The following CREBBP variants were observed in gnomAD, a reference collection of about 807,000 sequenced individuals.
CREBBP encodes CREB binding lysine acetyltransferase.
A neutral mutation model predicts 265.0 loss-of-function variants in CREBBP; 19 were observed. The ratio of observed to expected loss-of-function variants is 0.07; its 90% CI spans 0.05 to 0.11. The LOEUF (loss-of-function observed/expected upper bound fraction) is 0.11. Ranked by LOEUF, CREBBP falls within the 10% of genes least tolerant of loss-of-function variation. The probability of loss-of-function intolerance (pLI) is 1.00; values close to 1 mark genes in which losing one functional copy is unlikely to be tolerated. For missense variants in CREBBP, 2,525 were observed against 3,219.0 expected (o/e 0.78, Z 5.22); for synonymous variants, 1,457 against 1,223.7 (o/e 1.19, Z -3.98).
At chr16:3,817,158 A>G (rs2054054371) in intron 2 of CREBBP, among the ~76,000 whole-genome samples, 4 of 152,176 alleles carry the variant, frequency 2.6e-5, no homozygotes, top group Admixed American at 6.5e-5. Flanking sequence ...CAGCAGATAC[A>G]CAAGTCCAGT....
At chr16:3,849,481 GTGTGTGTGA>G (rs2054777917) in intron 2 of CREBBP, among the ~76,000 whole-genome samples, 1 of 122,420 alleles carries the variant, frequency 8.2e-6, no homozygotes, top group African/African-American at 3.0e-5. Flanking sequence ...GTGTGTGTGT[GTGTGTGTGA>G]TGTGCGTGAC....
chr16:3,814,364 C>T (rs1596991717), intron 2 of CREBBP, among the ~76,000 whole-genome samples: 1 of 152,018 alleles, frequency 6.6e-6, no homozygotes, highest in Admixed American at 6.6e-5. Flanking sequence ...AAGCAATTCT[C>T]GTGTCTCAGC....
chr16:3,780,559 G>A (rs536170579), intron 8 of CREBBP, among the ~76,000 whole-genome samples, 173 bp downstream of exon 8: 16 of 152,346 alleles, frequency 1.1e-4, no homozygotes, highest in African/African-American at 3.8e-4. Context: ...CGAGGACATA[G>A]AGTGTGGGAA....
chr16:3,876,347 C>CA (rs760923002), intron 1 of CREBBP, among the ~76,000 whole-genome samples: 72 of 95,174 alleles, frequency 7.6e-4, no homozygotes, highest in Non-Finnish European at 7.7e-4. Context: ...CCTGCAATTT[C>CA]AAAAAACTTT....
chr16:3,776,728 G>A (rs2053147286), intron 11 of CREBBP, among the ~76,000 whole-genome samples: 1 of 151,992 alleles, frequency 6.6e-6, no homozygotes, highest in Admixed American at 6.6e-5. Flanking sequence ...AAAATAAAAA[G>A]CTGGCCGGGT....
intron 8 of CREBBP, 67 bp downstream of exon 8, chr16:3,780,665 T>C (rs929311527): frequency 1.3e-6 from 2 of 1,549,632 alleles, no homozygotes; most frequent in Non-Finnish European, 1.8e-6. Flanking sequence ...GGTACTGTCA[T>C]CTGGTAGCCA....
At chr16:3,816,250 T>A (rs2054034291) in intron 2 of CREBBP, among the ~76,000 whole-genome samples, 1 of 152,186 alleles carries the variant, frequency 6.6e-6, no homozygotes, top group South Asian at 2.1e-4. Context: ...ACCAAGCGTA[T>A]CAATCAATTA....
At position 3,783,993 on chromosome 16, in the gene CREBBP, T is replaced by G. The variant is rs541775083; in HGVS notation, c.1331-1067A>C. On this transcript the variant is annotated intron_variant, in intron 5 of 30. Coordinates refer to ENST00000262367, the MANE Select transcript of CREBBP (RefSeq NM_004380.3). ...AACCCAAATGCTGTTGTGTGAAAAT[T>G]TATCATATGGCAGAAGTTCTATATG... Among the ~76,000 whole-genome samples, 4 of 152,352 alleles carry G rather than the reference T, an allele frequency of 2.6e-5. No homozygotes were observed. The East Asian group carries it at 7.7e-4, about 29-fold the overall frequency.
chr16:3,765,565 C>T (rs1328418361), intron 16 of CREBBP, among the ~76,000 whole-genome samples: 3 of 152,122 alleles, frequency 2.0e-5, no homozygotes, highest in Non-Finnish European at 4.4e-5. Context: ...GTATTTGTTG[C>T]CAATGCTAAA....
chr16:3,849,419 GTGTGTGT>G (rs2054742919), intron 2 of CREBBP, among the ~76,000 whole-genome samples: 1 of 7,740 alleles, frequency 1.3e-4, no homozygotes, highest in African/African-American at 1.7e-4. Context: ...GTGTGTGTGT[GTGTGTGT>G]GTGTGTGTGT....
At chr16:3,792,733 G>A (rs1415903712) in intron 4 of CREBBP, among the ~76,000 whole-genome samples, 1 of 152,232 alleles carries the variant, frequency 6.6e-6, no homozygotes, top group East Asian at 1.9e-4. Flanking sequence ...AGCAGAGAAG[G>A]AAAGAGAATA....
intron 1 of CREBBP, among the ~76,000 whole-genome samples, chr16:3,856,899 G>C (rs540498581): frequency 6.6e-6 from 1 of 152,268 alleles, no homozygotes; most frequent in Admixed American, 6.5e-5. Flanking sequence ...GGCCACAGAA[G>C]AGCAGATAAA....
At chr16:3,774,360 G>C (rs1294237383) in intron 12 of CREBBP, among the ~76,000 whole-genome samples, 1 of 152,136 alleles carries the variant, frequency 6.6e-6, no homozygotes, top group Non-Finnish European at 1.5e-5. Flanking sequence ...ACATTCCTAT[G>C]AATTTGTTAT....
intron 11 of CREBBP, among the ~76,000 whole-genome samples, chr16:3,774,909 G>A (rs762509098): frequency 2.6e-5 from 4 of 152,202 alleles, no homozygotes; most frequent in Non-Finnish European, 4.4e-5. Flanking sequence ...ACGGTGGCAT[G>A]GTGAGGGGTA....
rs1417985570 is a variant in CREBBP at position 3,727,997 on chromosome 16, C to T, written c.7050G>A (p.Gln2350=). 1 of 1,609,264 alleles carries T rather than the reference C, an allele frequency of 6.2e-7. No individual in the cohort carries two copies. The highest frequency in any genetic ancestry group is 8.5e-7 in the Non-Finnish European group (1 of 1,176,632). ...SNQVRSPAPV[Q]SPRPQSQPPH... is the part of the protein sequence containing the mutation. ...GAGGCTGGGACTGGGGCCGTGGAGA[C>T]TGGACAGGGGCTGGAGACCGCACCT... Residue 2350 remains glutamine, a synonymous_variant, in exon 31 of 31, where the codon CAG becomes CAA. Transcript: ENST00000262367.
At chr16:3,807,893 C>A (rs753350480) in intron 3 of CREBBP, among the ~76,000 whole-genome samples, 6 of 152,160 alleles carry the variant, frequency 3.9e-5, no homozygotes, top group Non-Finnish European at 7.4e-5. Context: ...CAAAGGCACA[C>A]GTGGGCACAG....
intron 1 of CREBBP, among the ~76,000 whole-genome samples, chr16:3,870,593 C>T (rs963066864): frequency 9.9e-5 from 15 of 152,166 alleles, no homozygotes; most frequent in African/African-American, 2.9e-4. Context: ...GTAAGATTCT[C>T]GAATCTTAGT....
At chr16:3,792,642 C>T (rs145063016) in intron 4 of CREBBP, among the ~76,000 whole-genome samples, 2 of 152,324 alleles carry the variant, frequency 1.3e-5, no homozygotes, top group Non-Finnish European at 1.5e-5. Context: ...TCTGTTACAA[C>T]AGGGTTACTC....
chr16:3,773,533 A>C (rs1384655350), intron 13 of CREBBP: 2 of 573,460 alleles, frequency 3.5e-6, no homozygotes, highest in Non-Finnish European at 6.1e-6. Context: ...ATCCATTCCC[A>C]CTTTTGCATA....
Sources: gnomAD v4.1 joint callset for allele counts (sites outside exome capture counted in the v4.1 genomes callset) on GRCh38, gnomAD v4.1.1 for gene constraint, MANE v1.5 for transcripts, NCBI Gene and HGNC (gene_info 2026-07-23, HGNC 2026-07-21) for gene names.